Variants in KIF13A observed in about 807,000 individuals in gnomAD.
KIF13A encodes the protein kinesin-like protein KIF13A.
KIF13A carries 79 observed loss-of-function variants against 212.2 expected under a neutral mutation model. That is an observed-to-expected ratio of 0.37 (90% CI 0.31 to 0.45). The LOEUF (loss-of-function observed/expected upper bound fraction) is 0.45, where lower values mean the gene tolerates loss of function less well. Among genes scored for constraint, KIF13A ranks in the 20% least tolerant of loss-of-function variants. The pLI, the probability that KIF13A is intolerant of heterozygous loss-of-function variation, is 1.00. For missense variants in KIF13A, 1,901 were observed against 2,209.0 expected, an observed-to-expected ratio of 0.86 and a Z score of 2.79; for synonymous variants, 789 against 808.6, an observed-to-expected ratio of 0.98 and a Z score of 0.41.
At chr6:17,970,578 TCTTTC>T (rs1214842452) in intron 2 of KIF13A, among the ~76,000 whole-genome samples, 1 of 152,242 alleles carries the variant, frequency 6.6e-6, no homozygotes, top group African/African-American at 2.4e-5. Flanking sequence ...TTTTCTTTTC[TCTTTC>T]CTTTTCTTTT....
At chr6:17,975,223 G>A (rs12198906) in intron 2 of KIF13A, among the ~76,000 whole-genome samples, 31,798 of 152,096 alleles carry the variant, frequency 0.21, 3,675 homozygotes, top group African/African-American at 0.31. Flanking sequence ...CGGGGTGGCA[G>A]GTTTCTGTAA....
intron 4 of KIF13A, among the ~76,000 whole-genome samples, chr6:17,867,137 T>C (rs1246038325): frequency 4.6e-5 from 7 of 152,032 alleles, no homozygotes; most frequent in African/African-American, 1.7e-4. Flanking sequence ...TAAACTGTTC[T>C]ATGTCAGTTG....
Position 17,783,577 on chromosome 6 carries a change from T to C in KIF13A, c.3544+69A>G, listed in dbSNP as rs1251419604. ...AAGAGTGATTTAAGGATCAAAATAA[T>C]GTGAATCTGGATAGATTACAAACCT... is the stretch of plus-strand genomic sequence containing the variant. On this transcript the variant is annotated intron_variant, in intron 29 of 38. Transcript: ENST00000259711. This position sits in a 1 kb window ranked among gnomAD's most constrained non-coding sequence, Gnocchi z 4.3. The C allele has an allele frequency of 1.9e-6, 2 of 1,032,202 alleles. No homozygotes were observed. Among genetic ancestry groups the C allele is most frequent in the Non-Finnish European group, 3.0e-6 (2 of 677,728 alleles). The allele number at this position is 1,032,202 out of a possible 1,614,324, so 63.9% of individuals were successfully genotyped here.
At chr6:17,858,094 TG>T (rs1190141116) in intron 4 of KIF13A, among the ~76,000 whole-genome samples, 25 of 142,702 alleles carry the variant, frequency 1.8e-4, no homozygotes, top group African/African-American at 7.0e-4. Flanking sequence ...TGTGTGTGTG[TG>T]TGTGTGTGTG....
rs370335126 is a variant in KIF13A at position 17,903,532 on chromosome 6, G to C, written c.147-5352C>G. Reference sequence around the variant, plus strand: ...ATACACAATTATCAGAGAAAAATAAGTTTTACGTGACTTTTGAAATATATA... The same window carrying C: ...ATACACAATTATCAGAGAAAAATAACTTTTACGTGACTTTTGAAATATATA... On this transcript the variant is annotated intron_variant, in intron 2 of 38. Coordinates refer to ENST00000259711, the MANE Select transcript of KIF13A (RefSeq NM_022113.6). 4.3e-4 allele frequency among the ~76,000 whole-genome samples: 66 copies of C among 152,236 alleles called. 2 individuals carry two copies. The South Asian group carries it at 0.013, about 29-fold the overall frequency.
intron 18 of KIF13A, among the ~76,000 whole-genome samples, chr6:17,807,897 T>C (rs2150343047): frequency 6.6e-6 from 1 of 152,294 alleles, no homozygotes; most frequent in East Asian, 1.9e-4. Flanking sequence ...TACAATGAAA[T>C]ATTGTGGGCG....
intron 4 of KIF13A, among the ~76,000 whole-genome samples, chr6:17,866,069 C>T (rs1769333567): frequency 6.6e-6 from 1 of 152,214 alleles, no homozygotes; most frequent in African/African-American, 2.4e-5. Context: ...GAATGTCTTA[C>T]AGAGAATGTG....
At chr6:17,890,790 CTAATAATAA>C (rs71536760) in intron 3 of KIF13A, among the ~76,000 whole-genome samples, 3 of 139,136 alleles carry the variant, frequency 2.2e-5, no homozygotes, top group South Asian at 2.4e-4. Context: ...CTATGCCCAG[CTAATAATAA>C]TAATAATAAT....
rs1284461957 is a variant in KIF13A, at chr6:17,871,400, T to C, written c.220+1977A>G. Among the ~76,000 whole-genome samples, 1 of 152,196 alleles carries C rather than the reference T, an allele frequency of 6.6e-6. No individual in the cohort carries two copies. The highest frequency in any genetic ancestry group is 1.5e-5 in the Non-Finnish European group (1 of 68,040). On this transcript the variant is annotated intron_variant, in intron 4 of 38. Transcript: ENST00000259711. The surrounding 1 kb of genome is among the most constrained non-coding windows in gnomAD (Gnocchi z 4.4). ...AGATTTTATCTCTCCTTGGATTTTA[T>C]GTAACACTTAAAATCTATAAAATTT...
chr6:17,898,267 G>A lies in KIF13A; in HGVS notation c.147-87C>T. 7.6e-7 allele frequency: 1 copy of A among 1,313,182 alleles called. No individual in the cohort carries two copies. Among genetic ancestry groups the A allele is most frequent in the South Asian group, 1.3e-5 (1 of 78,000 alleles). The allele number at this position is 1,313,182 out of a possible 1,614,324, so 81.3% of individuals were successfully genotyped here. A position where few individuals can be genotyped will look rare whatever the true frequency, so the allele number is the denominator to read the frequency against. The stretch of plus-strand genomic sequence containing the variant: ...CACATCAGAGGGAAACAATGAAAGA[G>A]AAAAAAATAAGGTAAATTCAGCACC... On this transcript the variant is annotated intron_variant, in intron 2 of 38. Transcript: ENST00000259711. This position sits in a 1 kb window ranked among gnomAD's most constrained non-coding sequence, Gnocchi z 5.2.
rs531245308 is a variant in KIF13A, at chr6:17,834,515, T to C, written c.1156-444A>G. 1.1e-4 allele frequency among the ~76,000 whole-genome samples: 17 copies of C among 152,338 alleles called. No individual in the cohort carries two copies. The highest frequency in any genetic ancestry group is 3.8e-4 in the African/African-American group (16 of 41,580). On this transcript the variant is annotated intron_variant, in intron 11 of 38. Coordinates refer to ENST00000259711, the MANE Select transcript of KIF13A (RefSeq NM_022113.6). This position sits in a 1 kb window ranked among gnomAD's most constrained non-coding sequence, Gnocchi z 4.0. ...TCTCATGTATTTTAAATTTTGAATC[T>C]GGGCCTTTAGACTACCTTTCTCCAC...
At chr6:17,791,342 G>A (rs1433967290) in intron 25 of KIF13A, among the ~76,000 whole-genome samples, 1 of 151,414 alleles carries the variant, frequency 6.6e-6, no homozygotes, top group Non-Finnish European at 1.5e-5. Flanking sequence ...ATTCTGCATT[G>A]GTTTCAGCTA....
rs982931675 is a variant in KIF13A at position 17,875,601 on chromosome 6, C to T, written c.160-2164G>A. On this transcript the variant is annotated intron_variant, in intron 3 of 38. Transcript: ENST00000259711. Reference sequence around the variant, plus strand: ...TCCCAAGTAGCTGGGACTACAGGCACGCACCACTATGCCCAGCTAATTTTT... The same window carrying T: ...TCCCAAGTAGCTGGGACTACAGGCATGCACCACTATGCCCAGCTAATTTTT... Among the ~76,000 whole-genome samples, 4 of 151,936 alleles carry T rather than the reference C, an allele frequency of 2.6e-5. No individual in the cohort carries two copies. In the South Asian group the frequency reaches 6.3e-4, roughly 24 times the overall value.
In KIF13A at chr6:17,799,172, TACTTA is replaced by T; in HGVS notation, c.2790+89_2790+93del. ...GTTAAAACATCTAATAAACATATTA[TACTTA>T]AAACAAATGCTTGTGGGGACAACTG... On this transcript the variant is annotated intron_variant, in intron 22 of 38. Coordinates refer to ENST00000259711, the MANE Select transcript of KIF13A (RefSeq NM_022113.6). This position sits in a 1 kb window ranked among gnomAD's most constrained non-coding sequence, Gnocchi z 4.4. The T allele has an allele frequency of 1.3e-6, 1 of 764,438 alleles. No individual in the cohort carries two copies. The highest frequency in any genetic ancestry group is 1.9e-6 in the Non-Finnish European group (1 of 525,676). 47.4% of individuals were successfully genotyped at this position (764,438 alleles called of 1,614,324 possible).
chr6:17,802,023 C>T (rs1322824881), intron 20 of KIF13A, among the ~76,000 whole-genome samples: 2 of 152,158 alleles, frequency 1.3e-5, no homozygotes, highest in East Asian at 3.9e-4. Context: ...AATTATATTT[C>T]ATAACATAGT....
intron 2 of KIF13A, among the ~76,000 whole-genome samples, chr6:17,938,806 T>C (rs925163130): frequency 2.1e-5 from 3 of 145,072 alleles, no homozygotes; most frequent in East Asian, 2.0e-4. Context: ...AAAATTTCAC[T>C]GCCTTAGAGT....
chr6:17,908,476 T>C (rs942532360), intron 2 of KIF13A, among the ~76,000 whole-genome samples: 1 of 152,076 alleles, frequency 6.6e-6, no homozygotes, highest in Non-Finnish European at 1.5e-5. Context: ...TGATGGTGCG[T>C]GCCTATAGTC....
rs1254294179 is a variant in KIF13A, at chr6:17,785,271, A to T, written c.3488+244T>A. Among the ~76,000 whole-genome samples the T allele has an allele frequency of 6.6e-6, 1 of 152,206 alleles. No individual in the cohort carries two copies. Among genetic ancestry groups the T allele is most frequent in the African/African-American group, 2.4e-5 (1 of 41,448 alleles). ...ATGTCCAAGTTGCTTATGCAGAGGA[A>T]CAGAGGAGTGGTATGTGATTCCTGG... On this transcript the variant is annotated intron_variant, in intron 28 of 38. Transcript: ENST00000259711. The surrounding 1 kb of genome is among the most constrained non-coding windows in gnomAD (Gnocchi z 5.8).
At position 17,963,706 on chromosome 6, in the gene KIF13A, G is replaced by A. The variant is rs1225718373; in HGVS notation, c.146+23348C>T. 6.6e-6 allele frequency among the ~76,000 whole-genome samples: 1 copy of A among 151,922 alleles called. No individual in the cohort carries two copies. Among genetic ancestry groups the A allele is most frequent in the Non-Finnish European group, 1.5e-5 (1 of 67,980 alleles). On this transcript the variant is annotated intron_variant, in intron 2 of 38. Transcript: ENST00000259711. The surrounding 1 kb of genome is among the most constrained non-coding windows in gnomAD (Gnocchi z 4.1). ...CAAGTAGCTGGGATTACAGGCACGC[G>A]CCACCACGCCCTGCTAATTTTTGCA...
Sources: allele counts gnomAD v4.1 joint callset (sites outside exome capture counted in the v4.1 genomes callset), GRCh38; gene constraint gnomAD v4.1.1; non-coding constraint Gnocchi (gnomAD v3.1); transcripts MANE v1.5; gene names NCBI Gene and HGNC (gene_info 2026-07-23, HGNC 2026-07-21).